The following GPM6A variants were observed in gnomAD, a reference collection of about 807,000 sequenced individuals.
GPM6A encodes neuronal membrane glycoprotein M6-a.
A neutral mutation model predicts 32.1 loss-of-function variants in GPM6A; 7 were observed. The ratio of observed to expected loss-of-function variants is 0.22; its 90% CI spans 0.12 to 0.41. The LOEUF (loss-of-function observed/expected upper bound fraction) is 0.41, where lower values mean the gene tolerates loss of function less well. Ranked by LOEUF, GPM6A falls within the 10% of genes least tolerant of loss-of-function variation. The pLI, the probability that GPM6A is intolerant of heterozygous loss-of-function variation, is 1.00. For synonymous variants in GPM6A, 130 were observed against 123.4 expected (o/e 1.05, Z -0.35); for missense variants, 235 against 347.2 (o/e 0.68, Z 2.57).
chr4:175,842,113 AT>A (rs1735954889), intron 1 of GPM6A, among the ~76,000 whole-genome samples: 1 of 152,184 alleles, frequency 6.6e-6, no homozygotes, highest in Non-Finnish European at 1.5e-5. Context: ...ACATTTAAAA[AT>A]ATTTTGAAAA....
intron 1 of GPM6A, among the ~76,000 whole-genome samples, chr4:175,928,735 T>A (rs569071278): frequency 6.6e-6 from 1 of 152,216 alleles, no homozygotes; most frequent in Non-Finnish European, 1.5e-5. Flanking sequence ...GATTATAATA[T>A]GCAAAAGAGG....
chr4:175,763,201 A>G (rs1018798990), intron 1 of GPM6A, among the ~76,000 whole-genome samples: 1 of 152,148 alleles, frequency 6.6e-6, no homozygotes, highest in Admixed American at 6.6e-5. Context: ...TTTAGTAAAG[A>G]TGTAGTTTCA....
At chr4:175,652,225 TA>T (rs531535079) in intron 3 of GPM6A, among the ~76,000 whole-genome samples, 12 of 152,202 alleles carry the variant, frequency 7.9e-5, no homozygotes, top group Middle Eastern at 3.4e-3. Context: ...AAGAAAAAAA[TA>T]ATCCATCTGC....
In GPM6A at chr4:175,951,611, A is replaced by G. The variant is rs78680110; in HGVS notation, c.-23+50698T>C. Among the ~76,000 whole-genome samples the G allele has an allele frequency of 6.2e-4, 94 of 152,352 alleles. No individual in the cohort carries two copies. In the East Asian group the frequency reaches 0.014, roughly 23 times the overall value. On this transcript the variant is annotated intron_variant, in intron 1 of 7. Coordinates refer to the GPM6A transcript ENST00000280187. ...TTTAGGCATTTAAAGCAACTAGAATACGCACAGTTAATAAGTAATAGCTAA... is the reference window on the plus strand; with the variant it reads ...TTTAGGCATTTAAAGCAACTAGAATGCGCACAGTTAATAAGTAATAGCTAA...
chr4:175,944,484 A>G (rs182885931), intron 1 of GPM6A, among the ~76,000 whole-genome samples: 1 of 151,066 alleles, frequency 6.6e-6, no homozygotes, highest in African/African-American at 2.5e-5. Flanking sequence ...TTTTATTCCA[A>G]TTCTTATCAT....
intron 6 of GPM6A, among the ~76,000 whole-genome samples, chr4:175,637,665 A>T (rs1411484969): frequency 1.2e-4 from 2 of 16,680 alleles, no homozygotes; most frequent in Non-Finnish European, 4.4e-4. Flanking sequence ...TAAAATATAT[A>T]ATATATATAA....
intron 1 of GPM6A, among the ~76,000 whole-genome samples, chr4:175,935,997 A>T (rs925975505): frequency 7.4e-5 from 9 of 122,184 alleles, no homozygotes. Context: ...AATATTTAGT[A>T]AAAAAAAATA....
chr4:175,796,881 C>A (rs1734253719), intron 1 of GPM6A, among the ~76,000 whole-genome samples: 1 of 152,160 alleles, frequency 6.6e-6, no homozygotes. Context: ...TCTTTCCTGT[C>A]TAAACATGCT....
intron 2 of GPM6A, among the ~76,000 whole-genome samples, chr4:175,688,093 T>A (rs1744090867): frequency 6.6e-6 from 1 of 152,232 alleles, no homozygotes; most frequent in Admixed American, 6.5e-5. Flanking sequence ...TTTTTGGATA[T>A]TAATTCCTTA....
chr4:175,879,606 C>T (rs1236419552), intron 1 of GPM6A, among the ~76,000 whole-genome samples: 19 of 152,070 alleles, frequency 1.2e-4, no homozygotes, highest in Admixed American at 1.2e-3. Context: ...CAATTATCTC[C>T]ACCTGTTCCC....
At chr4:175,883,924 A>G (rs532873265) in intron 1 of GPM6A, among the ~76,000 whole-genome samples, 1 of 152,220 alleles carries the variant, frequency 6.6e-6, no homozygotes, top group Non-Finnish European at 1.5e-5. Context: ...GTTGATTACA[A>G]TTATAATGTC....
At chr4:175,749,538 G>A (rs1186232892) in intron 1 of GPM6A, among the ~76,000 whole-genome samples, 1 of 152,150 alleles carries the variant, frequency 6.6e-6, no homozygotes, top group Non-Finnish European at 1.5e-5. Flanking sequence ...AAAGCATACA[G>A]AAGATAGCTT....
intron 1 of GPM6A, among the ~76,000 whole-genome samples, chr4:175,971,205 A>C (rs1247841803): frequency 6.6e-6 from 1 of 151,768 alleles, no homozygotes; most frequent in African/African-American, 2.4e-5. Context: ...TGTAGGCTGC[A>C]AGGTTAACTC....
intron 1 of GPM6A, among the ~76,000 whole-genome samples, chr4:175,892,635 T>C (rs1737682781): frequency 6.6e-6 from 1 of 152,164 alleles, no homozygotes; most frequent in Non-Finnish European, 1.5e-5. Flanking sequence ...CCTACAGCTG[T>C]CTCTTCCTCC....
intron 2 of GPM6A, among the ~76,000 whole-genome samples, chr4:175,695,185 C>T (rs1173556412): frequency 6.6e-6 from 1 of 152,216 alleles, no homozygotes; most frequent in Non-Finnish European, 1.5e-5. Context: ...CAGAGAACCT[C>T]TACTAGAGCA....
At position 175,725,370 on chromosome 4, in the gene GPM6A, C is replaced by A. The variant is rs140951113; in HGVS notation, c.38-23603G>T. On this transcript the variant is annotated intron_variant, in intron 1 of 6. Coordinates refer to ENST00000393658, the MANE Select transcript of GPM6A (RefSeq NM_201591.3). Reference sequence around the variant, plus strand: ...GCAGTGGCGCCATCATGGCTCACTGCAGCCTCCACCTCTTGGGCTCAAGTG... The same window carrying A: ...GCAGTGGCGCCATCATGGCTCACTGAAGCCTCCACCTCTTGGGCTCAAGTG... Among the ~76,000 whole-genome samples the A allele has an allele frequency of 7.9e-5, 12 of 151,402 alleles. 1 individual carries two copies.
intron 1 of GPM6A, among the ~76,000 whole-genome samples, chr4:175,988,531 A>G (rs898521732): frequency 7.9e-5 from 12 of 152,192 alleles, no homozygotes; most frequent in African/African-American, 2.9e-4. Context: ...AATAAGTAGG[A>G]CTTGTTGCTA....
chr4:175,711,522 T>A (rs943563930), intron 1 of GPM6A, among the ~76,000 whole-genome samples: 3 of 144,966 alleles, frequency 2.1e-5, no homozygotes, highest in African/African-American at 7.6e-5. Context: ...TATAAATACA[T>A]ATATGTATGT....
At chr4:175,969,249 G>T (rs941905675) in intron 1 of GPM6A, among the ~76,000 whole-genome samples, 10 of 152,282 alleles carry the variant, frequency 6.6e-5, no homozygotes, top group Admixed American at 6.5e-4. Context: ...GGTGGCAGAG[G>T]TCTAGTACAA....
Sources: gnomAD v4.1 joint callset for allele counts (sites outside exome capture counted in the v4.1 genomes callset) on GRCh38, gnomAD v4.1.1 for gene constraint, MANE v1.5 for transcripts, NCBI Gene and HGNC (gene_info 2026-07-23, HGNC 2026-07-21) for gene names.